The following UNC79 variants were observed in gnomAD, a reference collection of about 807,000 sequenced individuals.
UNC79 encodes the protein protein unc-79 homolog.
In UNC79, 37 loss-of-function variants were observed where a neutral mutation model predicts 283.1. The ratio of observed to expected loss-of-function variants is 0.13; its 90% confidence interval spans 0.10 to 0.17. The LOEUF is 0.17. Ranked by LOEUF, UNC79 falls within the 10% of genes least tolerant of loss-of-function variation. UNC79 has a pLI of 1.00. For missense variants in UNC79, 2,272 were observed against 3,211.1 expected (o/e 0.71, Z 7.07); for synonymous variants, 1,107 against 1,200.2 (o/e 0.92, Z 1.61).
chr14:93,408,460 C>G (rs746282949), intron 1 of UNC79, among the ~76,000 whole-genome samples: 1 of 152,036 alleles, frequency 6.6e-6, no homozygotes, highest in Non-Finnish European at 1.5e-5. Flanking sequence ...TGGGAGGCCA[C>G]GGTGGGAAGC....
intron 1 of UNC79, among the ~76,000 whole-genome samples, chr14:93,366,221 G>A (rs2054328722): frequency 6.6e-6 from 1 of 152,234 alleles, no homozygotes; most frequent in Non-Finnish European, 1.5e-5. Flanking sequence ...ATTGTGGGTT[G>A]TAGAAAATGT....
chr14:93,415,903 T>G (rs1259239863), intron 1 of UNC79, among the ~76,000 whole-genome samples: 3 of 152,242 alleles, frequency 2.0e-5, no homozygotes, highest in African/African-American at 7.2e-5. Context: ...TATTTGATTC[T>G]TCTATCTTTT....
intron 1 of UNC79, among the ~76,000 whole-genome samples, chr14:93,377,673 G>A (rs2054589060): frequency 1.3e-5 from 2 of 152,170 alleles, no homozygotes; most frequent in Admixed American, 1.3e-4. Flanking sequence ...GCTTATAGCT[G>A]TAGTGGAATC....
chr14:93,645,626 G>A (rs1487377175), intron 34 of UNC79, among the ~76,000 whole-genome samples: 3 of 152,202 alleles, frequency 2.0e-5, no homozygotes, highest in East Asian at 1.9e-4. Flanking sequence ...TCAGCATAAC[G>A]CTTTCGTGGA....
intron 31 of UNC79, among the ~76,000 whole-genome samples, chr14:93,632,897 C>T (rs1179034437): frequency 6.6e-6 from 1 of 151,816 alleles, no homozygotes; most frequent in Non-Finnish European, 1.5e-5. Flanking sequence ...TCCTCCTTGC[C>T]ATTAAAAGCA....
intron 1 of UNC79, among the ~76,000 whole-genome samples, chr14:93,421,201 C>T (rs893096474): frequency 1.3e-5 from 2 of 151,294 alleles, no homozygotes; most frequent in Admixed American, 1.3e-4. Context: ...ATTGATAAAT[C>T]TATAGCCAGA....
At chr14:93,631,052 T>C in intron 31 of UNC79, 144 bp downstream of exon 33, 1 of 760,576 alleles carries the variant, frequency 1.3e-6, no homozygotes, top group Non-Finnish European at 2.1e-6. Flanking sequence ...TGTTGTATAT[T>C]CTCAGAGACC....
chr14:93,530,949 C>T (rs1338285772), intron 10 of UNC79, among the ~76,000 whole-genome samples: 2 of 152,084 alleles, frequency 1.3e-5, no homozygotes, highest in African/African-American at 4.8e-5. Context: ...ACAACAACAA[C>T]AAAAAACCTG....
At chr14:93,440,910 T>C (rs1396604939) in intron 1 of UNC79, among the ~76,000 whole-genome samples, 4 of 152,154 alleles carry the variant, frequency 2.6e-5, no homozygotes, top group African/African-American at 4.8e-5. Context: ...TCTATTATTA[T>C]TGATACAATA....
At chr14:93,656,761 C>A (rs190121858) in intron 38 of UNC79, among the ~76,000 whole-genome samples, 2 of 152,286 alleles carry the variant, frequency 1.3e-5, no homozygotes, top group East Asian at 3.9e-4. Context: ...TTGCTTGAGC[C>A]TGGGAAGTCG....
intron 14 of UNC79, among the ~76,000 whole-genome samples, chr14:93,546,474 T>C (rs1443741550): frequency 1.3e-5 from 2 of 152,236 alleles, no homozygotes; most frequent in African/African-American, 2.4e-5. Context: ...ATTCAACTTA[T>C]GCAAATAGCT....
chr14:93,613,515 C>T (rs916717425), intron 27 of UNC79, among the ~76,000 whole-genome samples: 8 of 150,844 alleles, frequency 5.3e-5, no homozygotes, highest in African/African-American at 1.7e-4. Flanking sequence ...CCCGGGTTCA[C>T]GCCATTCTCC....
At position 93,617,113 on chromosome 14, in the gene UNC79, C is replaced by A. The variant is rs1373880034; in HGVS notation, c.4042-9C>A. 6.3e-7 allele frequency: 1 copy of A among 1,588,816 alleles called. No homozygotes were observed. The highest frequency in any genetic ancestry group is 8.6e-7 in the Non-Finnish European group (1 of 1,165,614). On this transcript the variant is annotated splice_polypyrimidine_tract_variant and intron_variant, in intron 27 of 48. Coordinates refer to ENST00000555664, the Ensembl canonical transcript of UNC79. This position sits in a 1 kb window ranked among gnomAD's most constrained non-coding sequence, Gnocchi z 4.5. The stretch of plus-strand genomic sequence containing the variant: ...TTTCCATCAGTTATTAATATTTTTT[C>A]TATTTCAGGTTATGGACTATAACAT...
At chr14:93,464,443 A>C in intron 1 of UNC79, 3 of 444,254 alleles carry the variant, frequency 6.8e-6, no homozygotes, top group South Asian at 4.8e-5. Context: ...AAAGGACAGC[A>C]GTCAGATTGG....
intron 1 of UNC79, among the ~76,000 whole-genome samples, chr14:93,463,564 G>A (rs2057040479): frequency 6.6e-6 from 1 of 152,162 alleles, no homozygotes; most frequent in African/African-American, 2.4e-5. Flanking sequence ...CACACTGATG[G>A]ATGGAGAGCC....
intron 1 of UNC79, among the ~76,000 whole-genome samples, chr14:93,338,592 G>C (rs909258242): frequency 6.6e-6 from 1 of 152,124 alleles, no homozygotes; most frequent in Non-Finnish European, 1.5e-5. Flanking sequence ...GTAAGAACAA[G>C]ACAACCAAAC....
chr14:93,374,524 G>A (rs567033897), intron 1 of UNC79, among the ~76,000 whole-genome samples: 108 of 152,106 alleles, frequency 7.1e-4, no homozygotes, highest in African/African-American at 2.4e-3. Flanking sequence ...CCATTGTAGC[G>A]TTCTTTCTTT....
At chr14:93,604,072 C>T (rs1257330693) in intron 26 of UNC79, among the ~76,000 whole-genome samples, 1 of 151,832 alleles carries the variant, frequency 6.6e-6, no homozygotes, top group East Asian at 1.9e-4. Context: ...CCTTAAATTA[C>T]CAAATGACTA....
At chr14:93,664,911 C>T (rs1203531110) in intron 40 of UNC79, among the ~76,000 whole-genome samples, 1 of 152,028 alleles carries the variant, frequency 6.6e-6, no homozygotes, top group Non-Finnish European at 1.5e-5. Context: ...TCCTAATGAA[C>T]ATGAGCTCAT....
Sources: allele counts gnomAD v4.1 joint callset (sites outside exome capture counted in the v4.1 genomes callset), GRCh38; gene constraint gnomAD v4.1.1; non-coding constraint Gnocchi (gnomAD v3.1); transcripts MANE v1.5; gene names NCBI Gene and HGNC (gene_info 2026-07-23, HGNC 2026-07-21).